NSF: variants seen among roughly 807,000 people sequenced by gnomAD.
NSF encodes the protein N-ethylmaleimide sensitive factor, vesicle fusing ATPase.
A neutral mutation model predicts 50.3 loss-of-function variants in NSF; 14 were observed. The ratio of observed to expected loss-of-function variants is 0.28; its 90% confidence interval spans 0.18 to 0.44. The LOEUF (loss-of-function observed/expected upper bound fraction) is 0.44. Ranked by LOEUF, NSF falls within the 20% of genes least tolerant of loss-of-function variation. The probability of loss-of-function intolerance (pLI) is 1.00; values close to 1 mark genes in which losing one functional copy is unlikely to be tolerated. For missense variants in NSF, 218 were observed against 504.3 expected, an observed-to-expected ratio of 0.43 and a Z score of 5.44; for synonymous variants, 109 against 175.7, an observed-to-expected ratio of 0.62 and a Z score of 3.00.
chr17:46,720,346 G>A (rs370907147), intron 15 of NSF, among the ~76,000 whole-genome samples: 7 of 152,214 alleles, frequency 4.6e-5, no homozygotes, highest in East Asian at 3.9e-4. Context: ...AAGGAGGCTG[G>A]TGCAGAACTT....
At chr17:46,606,273 G>A (rs988021208) in intron 1 of NSF, among the ~76,000 whole-genome samples, 1 of 20,356 alleles carries the variant, frequency 4.9e-5, no homozygotes, top group Non-Finnish European at 8.3e-5. Context: ...TGAAGAGAAA[G>A]GTAAAGCTAT....
intron 9 of NSF, among the ~76,000 whole-genome samples, chr17:46,678,929 T>C (rs2146209063): frequency 6.9e-6 from 1 of 145,958 alleles, no homozygotes; most frequent in African/African-American, 2.6e-5. Context: ...CATAGAAATA[T>C]ATAATGGAAT....
At chr17:46,676,527 C>T (rs536194962) in intron 9 of NSF, among the ~76,000 whole-genome samples, 6 of 147,166 alleles carry the variant, frequency 4.1e-5, no homozygotes, top group South Asian at 2.1e-4. Context: ...CCACCATGCC[C>T]GGCCTCCCAT....
intron 16 of NSF, among the ~76,000 whole-genome samples, chr17:46,727,638 T>G (rs903742693): frequency 1.3e-5 from 2 of 152,090 alleles, no homozygotes; most frequent in African/African-American, 4.8e-5. Flanking sequence ...AAATTGATAG[T>G]GGGTTTTGGG....
At position 46,610,041 on chromosome 17, in the gene NSF, CTCTTTCTT is replaced by C. The variant is rs1555666759; in HGVS notation, c.13-14184_13-14177del. ...TCTTTCTTTCTTTCTCTCTCTCTCT[CTCTTTCTT>C]TCTTTCTTTCTTTCTTTCCTTTCTT... On this transcript the variant is annotated intron_variant, in intron 1 of 20. Coordinates refer to ENST00000398238, the MANE Select transcript of NSF (RefSeq NM_006178.4). Among the ~76,000 whole-genome samples, 9 of 118,738 alleles carry C rather than the reference CTCTTTCTT, an allele frequency of 7.6e-5. 1 individual carries two copies. The highest frequency in any genetic ancestry group is 6.3e-4 in the East Asian group (3 of 4,798). 77.9% of individuals were successfully genotyped at this position (118,738 alleles called of 152,430 possible). A position where few individuals can be genotyped will look rare whatever the true frequency, so the allele number is the denominator to read the frequency against.
intron 17 of NSF, among the ~76,000 whole-genome samples, chr17:46,739,463 C>G (rs2059046203): frequency 6.6e-6 from 1 of 151,212 alleles, no homozygotes; most frequent in African/African-American, 2.4e-5. Context: ...CACCTGAGCC[C>G]AGGAGGTCGA....
intron 15 of NSF, among the ~76,000 whole-genome samples, chr17:46,715,255 A>G (rs1438949082): frequency 3.3e-5 from 5 of 152,220 alleles, no homozygotes; most frequent in Admixed American, 6.5e-5. Context: ...CTGAGGTGAA[A>G]CCAATAGTAT....
chr17:46,699,402 GACACACACACAC>G (rs4061825), intron 12 of NSF, among the ~76,000 whole-genome samples: 3 of 148,216 alleles, frequency 2.0e-5, no homozygotes, highest in African/African-American at 7.4e-5. Context: ...ATAAACTGAG[GACACACACACAC>G]ACACACACAC....
intron 20 of NSF, 74 bp from the exon 21 acceptor site, chr17:46,755,722 ATTTTTT>A: frequency 5.4e-5 from 56 of 1,045,564 alleles, no homozygotes; most frequent in South Asian, 3.0e-4. Context: ...GCTTTTAGTG[ATTTTTT>A]TTTTTTTTTT....
intron 9 of NSF, among the ~76,000 whole-genome samples, chr17:46,687,375 A>C (rs2058502609): frequency 1.3e-5 from 2 of 151,116 alleles, no homozygotes; most frequent in Non-Finnish European, 3.0e-5. Flanking sequence ...TAACTCTTTA[A>C]TCTTATCATG....
chr17:46,714,617 C>G (rs1285161988), intron 15 of NSF, among the ~76,000 whole-genome samples: 1 of 152,194 alleles, frequency 6.6e-6, no homozygotes, highest in Non-Finnish European at 1.5e-5. Context: ...ATCTCTCTTA[C>G]ATTCAAGCAA....
chr17:46,736,868 A>T (rs1390333549), intron 17 of NSF, among the ~76,000 whole-genome samples: 2 of 152,216 alleles, frequency 1.3e-5, no homozygotes, highest in Non-Finnish European at 2.9e-5. Context: ...TAACTCTCAC[A>T]GTTGTCCTGG....
intron 17 of NSF, 144 bp from the exon 18 acceptor site, chr17:46,749,629 C>G: frequency 1.4e-6 from 1 of 726,320 alleles, no homozygotes; most frequent in South Asian, 2.9e-5. Flanking sequence ...TCAGGAAAAT[C>G]CTGAATTGTT....
intron 17 of NSF, 109 bp from the exon 18 acceptor site, chr17:46,749,664 G>A: frequency 9.7e-7 from 1 of 1,036,006 alleles, no homozygotes; most frequent in South Asian, 2.1e-5. Flanking sequence ...CTAATCATTT[G>A]CATCGGCAAG....
chr17:46,746,339 G>A (rs566977990), intron 17 of NSF, among the ~76,000 whole-genome samples: 1 of 152,246 alleles, frequency 6.6e-6, no homozygotes, highest in African/African-American at 2.4e-5. Context: ...TCTTTGATCT[G>A]CATTGGTTTA....
Position 46,728,933 on chromosome 17 carries a change from A to G in NSF, c.1907A>G (p.Gln636Arg), listed in dbSNP as rs376204380. 6 of 1,580,826 alleles carry G rather than the reference A, an allele frequency of 3.8e-6. No homozygotes were observed. ...LLVLLKKAPP[Q>R]GRKLLIIGTT... ...GTTTTACTGAAAAAGGCACCTCCTCAGGTAAAATAATACTACTAATAAGGA... is the reference window on the plus strand; with the variant it reads ...GTTTTACTGAAAAAGGCACCTCCTCGGGTAAAATAATACTACTAATAAGGA... Residue 636 changes from glutamine to arginine, a missense_variant and splice_region_variant, in exon 17 of 21, where the codon CAG becomes CGG. Gln to Arg is a conservative substitution (Grantham distance 43). This residue lies in a region of NSF where 209 missense variants were observed against 320.9 expected (regional missense o/e 0.65). Transcript: ENST00000398238.
intron 19 of NSF, among the ~76,000 whole-genome samples, chr17:46,754,579 G>A (rs2059215181): frequency 6.6e-6 from 1 of 152,158 alleles, no homozygotes; most frequent in African/African-American, 2.4e-5. Context: ...TCTCCTGTGG[G>A]CCTACGAGAA....
rs1036851871 is a variant in NSF at position 46,734,084 on chromosome 17, A to G, written c.1908+5150A>G. The stretch of plus-strand genomic sequence containing the variant: ...AACATTGCTTTCATGTAGTCCTTAC[A>G]TGACATCTTAGCAGTCTTACTTCAG... On this transcript the variant is annotated intron_variant, in intron 17 of 20. Coordinates refer to ENST00000398238, the MANE Select transcript of NSF (RefSeq NM_006178.4). 3.3e-5 allele frequency among the ~76,000 whole-genome samples: 5 copies of G among 152,342 alleles called. No individual in the cohort carries two copies. In the East Asian group the frequency reaches 5.8e-4, roughly 18 times the overall value.
chr17:46,728,267 G>A (rs887540993), intron 16 of NSF, among the ~76,000 whole-genome samples: 2 of 152,084 alleles, frequency 1.3e-5, no homozygotes, highest in South Asian at 2.1e-4. Flanking sequence ...CATTGTTTCC[G>A]TTTTATTGAA....
Sources: gnomAD v4.1 joint callset for allele counts (sites outside exome capture counted in the v4.1 genomes callset) on GRCh38, gnomAD v4.1.1 for gene constraint, gnomAD v4.1.1 regional missense constraint, MANE v1.5 for transcripts, NCBI Gene and HGNC (gene_info 2026-07-23, HGNC 2026-07-21) for gene names.